DSCAM: variants seen among roughly 807,000 people sequenced by gnomAD.
DSCAM encodes cell adhesion molecule DSCAM.
In DSCAM, 47 loss-of-function variants were observed where a neutral mutation model predicts 217.7. The observed-to-expected ratio is 0.22, with a 90% CI of 0.17 to 0.28. The LOEUF (loss-of-function observed/expected upper bound fraction) is 0.28. DSCAM is among the 10% of genes least tolerant of loss of function. DSCAM has a pLI of 1.00. For missense variants in DSCAM, 2,080 were observed against 2,618.3 expected, an observed-to-expected ratio of 0.79 and a Z score of 4.49; for synonymous variants, 1,056 against 1,015.3, an observed-to-expected ratio of 1.04 and a Z score of -0.76.
At chr21:40,829,295 A>C (rs994621818) in intron 1 of DSCAM, among the ~76,000 whole-genome samples, 16 of 152,142 alleles carry the variant, frequency 1.1e-4, no homozygotes, top group Non-Finnish European at 1.8e-4. Context: ...CTGGGAAAGG[A>C]AGGGGAGTTT....
chr21:40,713,236 C>CT (rs1173351081), intron 1 of DSCAM, among the ~76,000 whole-genome samples: 2 of 152,170 alleles, frequency 1.3e-5, no homozygotes, highest in African/African-American at 2.4e-5. Context: ...AATGAAAACT[C>CT]TAACTTTTCA....
chr21:40,600,392 CTG>C (rs2077053390), intron 3 of DSCAM, among the ~76,000 whole-genome samples: 1 of 152,236 alleles, frequency 6.6e-6, no homozygotes, highest in East Asian at 1.9e-4. Context: ...AGGCAGCTCT[CTG>C]GGGTCTTTAT....
chr21:40,833,854 T>G (rs2092031813), intron 1 of DSCAM, among the ~76,000 whole-genome samples: 1 of 152,154 alleles, frequency 6.6e-6, no homozygotes, highest in African/African-American at 2.4e-5. Flanking sequence ...ACAATGAAGA[T>G]GTTGAACTGG....
At chr21:40,671,472 G>A (rs554465492) in intron 3 of DSCAM, among the ~76,000 whole-genome samples, 5 of 151,906 alleles carry the variant, frequency 3.3e-5, no homozygotes, top group Non-Finnish European at 4.4e-5. Flanking sequence ...CCAGGAGTTC[G>A]AGACCAGCCT....
intron 1 of DSCAM, among the ~76,000 whole-genome samples, chr21:40,778,403 G>A (rs1296583683): frequency 6.6e-6 from 1 of 152,148 alleles, no homozygotes; most frequent in African/African-American, 2.4e-5. Flanking sequence ...CAGCCACCGT[G>A]CCTGGCCCAG....
At chr21:40,281,345 T>C (rs750932120) in intron 10 of DSCAM, among the ~76,000 whole-genome samples, 4 of 152,206 alleles carry the variant, frequency 2.6e-5, no homozygotes, top group Non-Finnish European at 5.9e-5. Context: ...TCTAACATTC[T>C]CTTTTTAATT....
chr21:40,053,169 T>C (rs1189937412), intron 29 of DSCAM, among the ~76,000 whole-genome samples: 11 of 152,168 alleles, frequency 7.2e-5, no homozygotes, highest in Admixed American at 7.2e-4. Flanking sequence ...AAAATCCAAT[T>C]ACTCAGTCTC....
intron 3 of DSCAM, among the ~76,000 whole-genome samples, chr21:40,379,107 T>C (rs1257309729): frequency 6.6e-6 from 1 of 152,184 alleles, no homozygotes; most frequent in Non-Finnish European, 1.5e-5. Context: ...AATTTGTGTA[T>C]GCAAATGAAC....
intron 3 of DSCAM, among the ~76,000 whole-genome samples, chr21:40,529,923 C>G (rs568305510): frequency 2.6e-5 from 4 of 152,136 alleles, no homozygotes; most frequent in Non-Finnish European, 5.9e-5. Flanking sequence ...ACAGGCTTGT[C>G]GTTGCTTATT....
At chr21:40,401,495 A>G (rs1290650622) in intron 3 of DSCAM, among the ~76,000 whole-genome samples, 1 of 152,210 alleles carries the variant, frequency 6.6e-6, no homozygotes, top group East Asian at 1.9e-4. Flanking sequence ...CTGCTGAGAC[A>G]CCAGCAATTT....
At chr21:40,601,224 A>G (rs1395267097) in intron 3 of DSCAM, among the ~76,000 whole-genome samples, 3 of 152,162 alleles carry the variant, frequency 2.0e-5, no homozygotes, top group Admixed American at 2.0e-4. Flanking sequence ...TCTTCATGTA[A>G]ATACTGTCCA....
chr21:40,096,659 G>A (rs1401770501), intron 20 of DSCAM, among the ~76,000 whole-genome samples: 1 of 151,798 alleles, frequency 6.6e-6, no homozygotes, highest in Non-Finnish European at 1.5e-5. Flanking sequence ...GAAAACTGTA[G>A]CCCGCAGAGC....
At chr21:40,717,978 A>G (rs2090860479) in intron 1 of DSCAM, among the ~76,000 whole-genome samples, 2 of 152,166 alleles carry the variant, frequency 1.3e-5, no homozygotes, top group Non-Finnish European at 2.9e-5. Context: ...CCAGCTGGGC[A>G]TTGGTGGTGA....
chr21:40,143,767 GGAGA>G (rs1040225156), intron 17 of DSCAM, among the ~76,000 whole-genome samples: 23 of 152,166 alleles, frequency 1.5e-4, no homozygotes, highest in Admixed American at 1.4e-3. Context: ...CTCCAGCCTG[GGAGA>G]GAGAGCCGGA....
At chr21:40,253,800 G>A (rs1043389913) in intron 11 of DSCAM, among the ~76,000 whole-genome samples, 7 of 152,212 alleles carry the variant, frequency 4.6e-5, no homozygotes, top group African/African-American at 1.4e-4. Context: ...GGACCCTTCC[G>A]GATCTTGCCA....
chr21:40,536,710 T>C (rs1197985134), intron 3 of DSCAM, among the ~76,000 whole-genome samples: 2 of 152,202 alleles, frequency 1.3e-5, no homozygotes, highest in Non-Finnish European at 2.9e-5. Flanking sequence ...CCGGTCCCGG[T>C]AGATTCTAAT....
intron 3 of DSCAM, among the ~76,000 whole-genome samples, chr21:40,453,220 A>C (rs2837635): frequency 0.17 from 25,414 of 152,124 alleles, 2,339 homozygotes; most frequent in Middle Eastern, 0.23. Flanking sequence ...TTATAGGATT[A>C]ATATGTGATA....
chr21:40,188,008 A>C (rs536623147), intron 12 of DSCAM, 21 bp from the exon 13 acceptor site: 29 of 1,595,214 alleles, frequency 1.8e-5, no homozygotes, highest in Non-Finnish European at 7.7e-6. Flanking sequence ...AGCAGAAAGA[A>C]ATTCATCTTT....
chr21:40,621,823 A>G (rs561899518), intron 3 of DSCAM, among the ~76,000 whole-genome samples: 4 of 149,804 alleles, frequency 2.7e-5, no homozygotes, highest in African/African-American at 7.4e-5. Context: ...CCAATGTACA[A>G]AGGGATGGAT....
Sources: allele counts gnomAD v4.1 joint callset (sites outside exome capture counted in the v4.1 genomes callset), GRCh38; gene constraint gnomAD v4.1.1; transcripts MANE v1.5; gene names NCBI Gene and HGNC (gene_info 2026-07-23, HGNC 2026-07-21).